The following ABI2 variants were observed in gnomAD, a reference collection of about 807,000 sequenced individuals.
ABI2 encodes abelson interactor 2.
In ABI2, 25 loss-of-function variants were observed where a neutral mutation model predicts 59.2. The observed-to-expected ratio is 0.42, with a 90% CI of 0.31 to 0.59. The LOEUF (loss-of-function observed/expected upper bound fraction) is 0.59, where lower values mean the gene tolerates loss of function less well. Among genes scored for constraint, ABI2 ranks in the 20% least tolerant of loss-of-function variants. The pLI, the probability that ABI2 is intolerant of heterozygous loss-of-function variation, is 0.14. For synonymous variants in ABI2, 213 were observed against 235.5 expected (o/e 0.90, Z 0.87); for missense variants, 545 against 681.8 (o/e 0.80, Z 2.23).
chr2:203,366,552 C>G (rs1426151328), intron 1 of ABI2, among the ~76,000 whole-genome samples: 2 of 152,162 alleles, frequency 1.3e-5, no homozygotes, highest in Non-Finnish European at 2.9e-5. Flanking sequence ...TTTATACGTT[C>G]AAATCAGTGC....
At chr2:203,344,756 A>G (rs1257381416) in intron 1 of ABI2, among the ~76,000 whole-genome samples, 1 of 152,066 alleles carries the variant, frequency 6.6e-6, no homozygotes, top group Non-Finnish European at 1.5e-5. Flanking sequence ...AAGCGCACCA[A>G]TCAGCACTCT....
intron 3 of ABI2, among the ~76,000 whole-genome samples, chr2:203,381,835 C>G (rs2096148701): frequency 6.6e-6 from 1 of 152,120 alleles, no homozygotes; most frequent in African/African-American, 2.4e-5. Context: ...ATATATAATT[C>G]ATAGGTTTAC....
chr2:203,380,793 T>C (rs2096071071), intron 3 of ABI2, among the ~76,000 whole-genome samples: 1 of 152,194 alleles, frequency 6.6e-6, no homozygotes, highest in African/African-American at 2.4e-5. Context: ...TTAATAGACA[T>C]GTACTTTGAA....
chr2:203,375,084 G>C (rs2095591522), intron 2 of ABI2, among the ~76,000 whole-genome samples: 1 of 152,168 alleles, frequency 6.6e-6, no homozygotes. Flanking sequence ...AAGGAACCTG[G>C]GTTTGGCACT....
In ABI2 at chr2:203,429,698, A is replaced by C. The variant is rs2098467096; in HGVS notation, c.*2346A>C. 1 of 150,496 alleles carries C rather than the reference A, an allele frequency of 6.6e-6. No homozygotes were observed. Among genetic ancestry groups the C allele is most frequent in the Non-Finnish European group, 1.5e-5 (1 of 67,970 alleles). The allele number at this position is 150,496 out of a possible 1,614,324, so 9.3% of individuals were successfully genotyped here. On this transcript the variant is annotated 3_prime_UTR_variant, in exon 12 of 12. Coordinates refer to ENST00000261018, the MANE Select transcript of ABI2 (RefSeq NM_001375670.1). ...CTGGAACCTGGGAGGCAGAGGTTGCAGTGAGCCGAGATTGTGCCACTGCAC... is the reference window on the plus strand; with the variant it reads ...CTGGAACCTGGGAGGCAGAGGTTGCCGTGAGCCGAGATTGTGCCACTGCAC...
At chr2:203,386,586 G>A (rs972860469) in intron 4 of ABI2, 7 of 217,452 alleles carry the variant, frequency 3.2e-5, no homozygotes, top group South Asian at 1.6e-4. Flanking sequence ...GAAACATTCC[G>A]TAACCTTCCC....
At chr2:203,335,549 C>T (rs151166547) in intron 1 of ABI2, among the ~76,000 whole-genome samples, 4 of 152,276 alleles carry the variant, frequency 2.6e-5, no homozygotes, top group East Asian at 1.9e-4. Context: ...ACCTGTCAGC[C>T]GCCATGCCTG....
intron 1 of ABI2, among the ~76,000 whole-genome samples, chr2:203,361,919 AAAAT>A (rs2093576464): frequency 6.6e-6 from 1 of 152,220 alleles, no homozygotes; most frequent in Non-Finnish European, 1.5e-5. Context: ...AGGCTAGTGA[AAAAT>A]AATTACTTCC....
At chr2:203,341,709 CA>C (rs551938006) in intron 1 of ABI2, among the ~76,000 whole-genome samples, 1 of 148,548 alleles carries the variant, frequency 6.7e-6, no homozygotes, top group Non-Finnish European at 1.5e-5. Flanking sequence ...GACTCCATCT[CA>C]AAAAAAAACA....
At chr2:203,418,355 C>T (rs566212186) in intron 11 of ABI2, among the ~76,000 whole-genome samples, 12 of 152,324 alleles carry the variant, frequency 7.9e-5, no homozygotes, top group African/African-American at 2.4e-4. Context: ...CCCTCTGGTT[C>T]AGGGACTCTT....
chr2:203,365,014 A>G (rs1387304396), intron 1 of ABI2, among the ~76,000 whole-genome samples: 1 of 152,156 alleles, frequency 6.6e-6, no homozygotes, highest in African/African-American at 2.4e-5. Context: ...AATTACAGAC[A>G]TGAACTGCCA....
intron 2 of ABI2, 166 bp downstream of exon 2, chr2:203,367,210 G>T: frequency 1.1e-6 from 1 of 915,724 alleles, no homozygotes; most frequent in Non-Finnish European, 1.5e-6. Flanking sequence ...TTTGTGGGAT[G>T]GTTATCTTCT....
At chr2:203,403,140 T>C (rs544935572) in intron 9 of ABI2, among the ~76,000 whole-genome samples, 78 of 152,228 alleles carry the variant, frequency 5.1e-4, no homozygotes, top group Non-Finnish European at 6.9e-4. Flanking sequence ...GAAGCTACTT[T>C]GTGCTAGGGA....
intron 4 of ABI2, among the ~76,000 whole-genome samples, chr2:203,389,013 G>C (rs2096640813): frequency 6.6e-6 from 1 of 151,942 alleles, no homozygotes; most frequent in South Asian, 2.1e-4. Context: ...TGTTGTTTAA[G>C]GTTGAGCTTA....
At chr2:203,328,681 C>T (rs1375139891) in intron 1 of ABI2, 50 bp downstream of exon 1, 14 of 1,346,080 alleles carry the variant, frequency 1.0e-5, no homozygotes, top group Non-Finnish European at 1.3e-5. Context: ...CCGCCGGGGG[C>T]CGCGCGCCTC....
chr2:203,368,222 C>T (rs80174433), intron 2 of ABI2, among the ~76,000 whole-genome samples: 118 of 152,038 alleles, frequency 7.8e-4, no homozygotes, highest in Middle Eastern at 3.4e-3. Flanking sequence ...TAAAATAATA[C>T]TGCAGTGAAA....
In ABI2 at chr2:203,427,337, G is replaced by A. The variant is rs571520061; in HGVS notation, c.1614G>A (p.Met538Ile). Residue 538 changes from methionine to isoleucine, a missense_variant, in exon 12 of 12, where the codon ATG (methionine) becomes ATA (isoleucine). This residue lies in a region of ABI2 where 44 missense variants were observed against 106.4 expected (regional missense o/e 0.41). Transcript: ENST00000261018. ...CTGGGAATTACGTTGAGTCTATCATGCATTATTCTGAGTAAAGCTCAGCAG... is the reference window on the plus strand; with the variant it reads ...CTGGGAATTACGTTGAGTCTATCATACATTATTCTGAGTAAAGCTCAGCAG... ...LFPGNYVESI[M>I]HYSE 13 of 1,613,878 alleles carry A rather than the reference G, an allele frequency of 8.1e-6. No homozygotes were observed. In the South Asian group the frequency reaches 1.4e-4, roughly 18 times the overall value.
chr2:203,331,841 A>T (rs1354092111), intron 1 of ABI2, among the ~76,000 whole-genome samples: 4 of 129,248 alleles, frequency 3.1e-5, no homozygotes, highest in Non-Finnish European at 6.3e-5. Context: ...ACAGAGTTTC[A>T]CTCTGTCGCC....
At position 203,350,237 on chromosome 2, in the gene ABI2, C is replaced by T. The variant is rs116949532; in HGVS notation, c.118-16640C>T. 3.7e-4 allele frequency among the ~76,000 whole-genome samples: 56 copies of T among 152,158 alleles called. No homozygotes were observed. The East Asian group carries it at 9.9e-3, about 27-fold the overall frequency. ...GATTATGGGTGTGCATTACTATGCC[C>T]GGCTAATTCTCGTATTTTTAGTAGA... On this transcript the variant is annotated intron_variant, in intron 1 of 11. Transcript: ENST00000261018.
Sources: allele counts gnomAD v4.1 joint callset (sites outside exome capture counted in the v4.1 genomes callset), GRCh38; gene constraint gnomAD v4.1.1; regional missense constraint gnomAD v4.1.1; transcripts MANE v1.5; gene names NCBI Gene and HGNC (gene_info 2026-07-23, HGNC 2026-07-21).